Variants in UBE2G2 observed in about 807,000 individuals in gnomAD.
UBE2G2 encodes the protein ubiquitin conjugating enzyme E2 G2, also known as ubiquitin-conjugating enzyme E2 G2.
UBE2G2 carries 10 observed loss-of-function variants against 23.0 expected under a neutral mutation model. The observed-to-expected ratio is 0.43, with a 90% confidence interval of 0.27 to 0.74. The LOEUF is 0.74. Among genes scored for constraint, UBE2G2 ranks in the 30% least tolerant of loss-of-function variants. The pLI, the probability that UBE2G2 is intolerant of heterozygous loss-of-function variation, is 0.19. For synonymous variants in UBE2G2, 86 were observed against 81.3 expected (o/e 1.06, Z -0.31); for missense variants, 150 against 218.3 (o/e 0.69, Z 1.97).
At chr21:44,773,770 A>T in intron 4 of UBE2G2, 83 bp from the exon 5 acceptor site, 1 of 1,549,842 alleles carries the variant, frequency 6.5e-7, no homozygotes, top group Non-Finnish European at 8.7e-7. Context: ...ACAGATAATG[A>T]GAACAAAGAC....
chr21:44,782,513 G>A (rs1005384611), intron 3 of UBE2G2, among the ~76,000 whole-genome samples: 9 of 152,126 alleles, frequency 5.9e-5, no homozygotes, highest in Admixed American at 1.3e-4. Context: ...CAAAGTTGGC[G>A]GACTTAAATT....
intron 1 of UBE2G2, among the ~76,000 whole-genome samples, chr21:44,791,562 T>C (rs1452308747): frequency 6.6e-6 from 1 of 152,234 alleles, no homozygotes; most frequent in Non-Finnish European, 1.5e-5. Context: ...ATTCAATAAC[T>C]GACGTTTGGG....
chr21:44,799,879 TCTTCA>T (rs1382455495), intron 1 of UBE2G2: 4 of 152,246 alleles, frequency 2.6e-5, no homozygotes, highest in African/African-American at 9.6e-5. Flanking sequence ...AGAGTGCAAC[TCTTCA>T]CTTCAACACT....
chr21:44,787,791 C>T, intron 3 of UBE2G2, 129 bp downstream of exon 3: 1 of 985,576 alleles, frequency 1.0e-6, no homozygotes, highest in Non-Finnish European at 1.5e-6. Flanking sequence ...TAGACGAGAG[C>T]TGGGCATTAC....
intron 1 of UBE2G2, among the ~76,000 whole-genome samples, chr21:44,789,815 C>CCTTTGGGAG (rs1376778808): frequency 6.6e-6 from 1 of 152,008 alleles, no homozygotes; most frequent in Non-Finnish European, 1.5e-5. Context: ...GGAGGTGGGA[C>CCTTTGGGAG]CTTTGGGAGG....
At chr21:44,785,549 CA>C (rs2082989770) in intron 3 of UBE2G2, 1 of 152,128 alleles carries the variant, frequency 6.6e-6, no homozygotes, top group African/African-American at 2.4e-5. Context: ...AGCACAACAG[CA>C]AAAACCAACA....
At chr21:44,792,024 AT>A (rs1381731094) in intron 1 of UBE2G2, among the ~76,000 whole-genome samples, 1 of 152,194 alleles carries the variant, frequency 6.6e-6, no homozygotes, top group Non-Finnish European at 1.5e-5. Context: ...TCGGACTTGC[AT>A]GGGGGCCTGT....
intron 1 of UBE2G2, among the ~76,000 whole-genome samples, chr21:44,792,083 T>G (rs1555962997): frequency 1.3e-5 from 2 of 152,236 alleles, no homozygotes. Flanking sequence ...GGAGTATTTA[T>G]CCAATGCCTG....
At chr21:44,777,858 T>G (rs1337101921) in intron 3 of UBE2G2, among the ~76,000 whole-genome samples, 1 of 152,140 alleles carries the variant, frequency 6.6e-6, no homozygotes, top group East Asian at 1.9e-4. Flanking sequence ...ACAAAAAGAT[T>G]ATCTAAGTAA....
rs537614503 is a variant in UBE2G2, at chr21:44,792,757, T to G, written c.44-4662A>C. Among the ~76,000 whole-genome samples, 76 of 152,290 alleles carry G rather than the reference T, an allele frequency of 5.0e-4. 3 individuals are homozygous for G. In the South Asian group the frequency reaches 0.015, roughly 29 times the overall value. On this transcript the variant is annotated intron_variant, in intron 1 of 5. Transcript: ENST00000345496. The stretch of plus-strand genomic sequence containing the variant: ...AAAATTATTTCACTCAAAATACCAC[T>G]AACACCTGCTGAGAAGCCCTGATCC...
rs1555959848 is a variant in UBE2G2, at chr21:44,771,257, C to T, written c.*120G>A. The T allele has an allele frequency of 3.5e-6, 3 of 847,674 alleles. No homozygotes were observed. Among genetic ancestry groups the T allele is most frequent in the South Asian group, 3.4e-5 (2 of 58,480 alleles). 52.5% of individuals were successfully genotyped at this position (847,674 alleles called of 1,614,324 possible). A position where few individuals can be genotyped will look rare whatever the true frequency, so the allele number is the denominator to read the frequency against. ...AAAGGTTTGAAAAAAAAAAAAGATG[C>T]CATGGTTCTTGCAAGTCTGCCTTGT... On this transcript the variant is annotated 3_prime_UTR_variant, in exon 6 of 6. Coordinates refer to ENST00000345496, the MANE Select transcript of UBE2G2 (RefSeq NM_003343.6). The surrounding 1 kb of genome is among the most constrained non-coding windows in gnomAD (Gnocchi z 4.6).
chr21:44,787,858 G>A lies in UBE2G2; in HGVS notation c.125+62C>T. On this transcript the variant is annotated intron_variant, in intron 3 of 5. Coordinates refer to ENST00000345496, the MANE Select transcript of UBE2G2 (RefSeq NM_003343.6). ...TTTTGGACACAGTCACACTGCTGAT[G>A]TGATTCTTACATCTGACTTCCAGCA... 10 of 1,579,880 alleles carry A rather than the reference G, an allele frequency of 6.3e-6. No homozygotes were observed. The Admixed American group carries it at 8.6e-5, about 14-fold the overall frequency.
chr21:44,801,298 C>T (rs1417944565), intron 1 of UBE2G2: 33 of 1,022,912 alleles, frequency 3.2e-5, no homozygotes, highest in Non-Finnish European at 3.4e-5. Context: ...CAAAGCTCCA[C>T]CAACGAGCCT....
chr21:44,777,070 G>A (rs2082918441), intron 4 of UBE2G2: 11 of 432,356 alleles, frequency 2.5e-5, no homozygotes. Flanking sequence ...GGGTCAAATG[G>A]CATCCGGTTT....
At chr21:44,801,537 TG>T in intron 1 of UBE2G2, 168 bp downstream of exon 1, 1 of 1,134,298 alleles carries the variant, frequency 8.8e-7, no homozygotes, top group Non-Finnish European at 1.2e-6. Flanking sequence ...CGCGTGAGAG[TG>T]GGCAGCGGGC....
intron 1 of UBE2G2, among the ~76,000 whole-genome samples, chr21:44,790,401 T>C (rs1426581676): frequency 2.6e-5 from 4 of 152,212 alleles, no homozygotes; most frequent in Non-Finnish European, 4.4e-5. Flanking sequence ...AAATTCGTAA[T>C]AGCCCCAAAC....
chr21:44,779,025 C>A, intron 3 of UBE2G2: 1 of 178,788 alleles, frequency 5.6e-6, no homozygotes. Context: ...TTTTAAAAAT[C>A]TTAAAATTAT....
chr21:44,789,941 C>A (rs555653864), intron 1 of UBE2G2, among the ~76,000 whole-genome samples: 8 of 152,166 alleles, frequency 5.3e-5, no homozygotes, highest in Non-Finnish European at 8.8e-5. Flanking sequence ...CATCTGCAAA[C>A]CAGGAAGACA....
At chr21:44,795,153 C>T (rs900329918) in intron 1 of UBE2G2, among the ~76,000 whole-genome samples, 1 of 152,058 alleles carries the variant, frequency 6.6e-6, no homozygotes, top group Non-Finnish European at 1.5e-5. Context: ...GCCCCAGCTA[C>T]TTGGGAAGCT....
Sources: allele counts gnomAD v4.1 joint callset (sites outside exome capture counted in the v4.1 genomes callset), GRCh38; gene constraint gnomAD v4.1.1; non-coding constraint Gnocchi (gnomAD v3.1); transcripts MANE v1.5; gene names NCBI Gene and HGNC (gene_info 2026-07-23, HGNC 2026-07-21).